Variants in TRIM41 observed in about 807,000 individuals in gnomAD.
TRIM41 encodes the protein E3 ubiquitin-protein ligase TRIM41.
Under a neutral mutation model 60.6 loss-of-function variants are expected in TRIM41, and 21 were observed. That is an observed-to-expected ratio of 0.35 (90% CI 0.25 to 0.50). TRIM41 has a LOEUF of 0.50. Among genes scored for constraint, TRIM41 ranks in the 20% least tolerant of loss-of-function variants. The pLI is 0.98. For missense variants in TRIM41, 846 were observed against 868.3 expected (o/e 0.97, Z 0.32); for synonymous variants, 407 against 344.9 (o/e 1.18, Z -2.00).
Position 181,235,736 on chromosome 5 carries a change from G to T in TRIM41, c.*961G>T. On this transcript the variant is annotated 3_prime_UTR_variant, in exon 6 of 6. Transcript: ENST00000315073. ...TGCAGCTTTCGCCCTCTGCTTTGATGGCTGAGGTGAACTCATGTTCTTTGG... is the reference window on the plus strand; with the variant it reads ...TGCAGCTTTCGCCCTCTGCTTTGATTGCTGAGGTGAACTCATGTTCTTTGG... 3.7e-6 allele frequency: 1 copy of T among 273,366 alleles called. No individual in the cohort carries two copies. The highest frequency in any genetic ancestry group is 7.1e-6 in the Non-Finnish European group (1 of 139,912). The allele number at this position is 273,366 out of a possible 1,614,324, so 16.9% of individuals were successfully genotyped here.
chr5:181,235,520 C>G lies in TRIM41; in HGVS notation c.*745C>G. 1 of 1,298,064 alleles carries G rather than the reference C, an allele frequency of 7.7e-7. No individual in the cohort carries two copies. Among genetic ancestry groups the G allele is most frequent in the Non-Finnish European group, 1.1e-6 (1 of 930,660 alleles). The allele number at this position is 1,298,064 out of a possible 1,614,324, so 80.4% of individuals were successfully genotyped here. On this transcript the variant is annotated 3_prime_UTR_variant, in exon 6 of 6. Coordinates refer to ENST00000315073, the MANE Select transcript of TRIM41 (RefSeq NM_033549.5). ...GAGCAAAGCTCATCCCACCCCACACCCCTCCCAGGTCTGCTCACTGCCAGG... is the reference window on the plus strand; with the variant it reads ...GAGCAAAGCTCATCCCACCCCACACGCCTCCCAGGTCTGCTCACTGCCAGG...
chr5:181,226,131 G>A (rs908755254), intron 1 of TRIM41: 2 of 150,744 alleles, frequency 1.3e-5, no homozygotes, highest in Non-Finnish European at 2.9e-5. Flanking sequence ...TTGAGACGGA[G>A]TCTCACTCTA....
intron 2 of TRIM41, chr5:181,231,086 C>G (rs1306985676): frequency 2.6e-6 from 1 of 377,446 alleles, no homozygotes; most frequent in Non-Finnish European, 5.1e-6. Context: ...GTGCCTGGCC[C>G]AAGGCTGCAG....
In TRIM41 at chr5:181,224,075, T is replaced by C; in HGVS notation, c.76T>C (p.Tyr26His). The C allele has an allele frequency of 6.2e-7, 1 of 1,614,250 alleles. No homozygotes were observed. The highest frequency in any genetic ancestry group is 8.5e-7 in the Non-Finnish European group (1 of 1,180,042). ...GGCGGTGTGCGCCATCTGCCTCGAT[T>C]ACTTCACGGACCCCGTGTCCATCGG... Reference protein sequence around the residue: ...EEAVCAICLDYFTDPVSIGCG... With the variant: ...EEAVCAICLDHFTDPVSIGCG... The change falls in exon 1 of 6, where the codon TAC becomes CAC. Residue 26 changes from tyrosine to histidine, a missense_variant. Transcript: ENST00000315073.
chr5:181,234,141 G>A lies in TRIM41; in HGVS notation c.1292-33G>A. 1 of 1,603,548 alleles carries A rather than the reference G, an allele frequency of 6.2e-7. No homozygotes were observed. The highest frequency in any genetic ancestry group is 8.5e-7 in the Non-Finnish European group (1 of 1,179,848). ...TGCTGACAGGGGAACAGCCGTTCCA[G>A]CCCTGGCGTATTTGTCCTCCCTCCC... On this transcript the variant is annotated intron_variant, in intron 5 of 5. Coordinates refer to ENST00000315073, the MANE Select transcript of TRIM41 (RefSeq NM_033549.5). The surrounding 1 kb of genome is among the most constrained non-coding windows in gnomAD (Gnocchi z 5.6).
chr5:181,230,004 G>A (rs1215738714), intron 1 of TRIM41: 7 of 152,346 alleles, frequency 4.6e-5, no homozygotes, highest in Admixed American at 4.6e-4. Flanking sequence ...GTGACCCATG[G>A]AAAGGTTTTA....
Position 181,232,850 on chromosome 5 carries a change from C to T in TRIM41, c.1101C>T (p.Ala367=), listed in dbSNP as rs980643993. 10 of 1,553,654 alleles carry T rather than the reference C, an allele frequency of 6.4e-6. No homozygotes were observed. The highest frequency in any genetic ancestry group is 1.4e-5 in the African/African-American group (1 of 73,470). ...AAQLSRLLAE[A]QERSQQGGLR... ...AGCTCAGCCGCCTGCTGGCAGAGGCCCAGGAGCGGAGCCAGCAGGGGGGTC... is the reference window on the plus strand; with the variant it reads ...AGCTCAGCCGCCTGCTGGCAGAGGCTCAGGAGCGGAGCCAGCAGGGGGGTC... Residue 367 remains alanine, a synonymous_variant, in exon 3 of 6, where the codon GCC becomes GCT. Coordinates refer to ENST00000315073, the MANE Select transcript of TRIM41 (RefSeq NM_033549.5).
In TRIM41 at chr5:181,233,596, A is replaced by G. The variant is rs954114012; in HGVS notation, c.1164-40A>G. ...TCAGCTTTTGCTTTTCCCTCTGGGA[A>G]TATCGTGGTCCCACCCCCTGCCCGG... On this transcript the variant is annotated intron_variant, in intron 4 of 5. Coordinates refer to ENST00000315073, the MANE Select transcript of TRIM41 (RefSeq NM_033549.5). The surrounding 1 kb of genome is among the most constrained non-coding windows in gnomAD (Gnocchi z 4.1). 3.1e-6 allele frequency: 5 copies of G among 1,611,960 alleles called. No individual in the cohort carries two copies. Among genetic ancestry groups the G allele is most frequent in the Non-Finnish European group, 8.5e-7 (1 of 1,178,498 alleles).
Position 181,234,270 on chromosome 5 carries a change from C to T in TRIM41, c.1388C>T (p.Ala463Val). Residue 463 changes from alanine (A) to valine (V), a missense_variant, in exon 6 of 6, where the codon GCT becomes GTT. Coordinates refer to ENST00000315073, the MANE Select transcript of TRIM41 (RefSeq NM_033549.5). This position sits in a 1 kb window ranked among gnomAD's most constrained non-coding sequence, Gnocchi z 5.6. The part of the protein sequence containing the change: ...VRLAERRQEV[A>V]DHPKRFSADC... Reference sequence around the variant, plus strand: ...CTGGCAGAGCGGCGGCAGGAGGTTGCTGACCATCCCAAGCGCTTCTCGGCC... The same window carrying T: ...CTGGCAGAGCGGCGGCAGGAGGTTGTTGACCATCCCAAGCGCTTCTCGGCC... The T allele has an allele frequency of 3.7e-6, 6 of 1,613,070 alleles. No homozygotes were observed. Among genetic ancestry groups the T allele is most frequent in the Non-Finnish European group, 5.1e-6 (6 of 1,179,918 alleles).
In TRIM41 at chr5:181,232,273, G is replaced by A. The variant is rs575090118; in HGVS notation, c.910-386G>A. The A allele has an allele frequency of 5.7e-5, 12 of 210,462 alleles. No homozygotes were observed. In the South Asian group the frequency reaches 6.2e-4, roughly 11 times the overall value. The allele number at this position is 210,462 out of a possible 1,614,324, so 13.0% of individuals were successfully genotyped here. A position where few individuals can be genotyped will look rare whatever the true frequency, so the allele number is the denominator to read the frequency against. ...TGGGGGAAAGGATGTTAACAGTTACGTCATTTAAACACAACGTTTCAATAT... is the reference window on the plus strand; with the variant it reads ...TGGGGGAAAGGATGTTAACAGTTACATCATTTAAACACAACGTTTCAATAT... On this transcript the variant is annotated intron_variant, in intron 2 of 5. Coordinates refer to ENST00000315073, the MANE Select transcript of TRIM41 (RefSeq NM_033549.5).
rs1357212235 is a variant in TRIM41 at position 181,232,859 on chromosome 5, G to A, written c.1110G>A (p.Arg370=). The A allele has an allele frequency of 6.5e-7, 1 of 1,547,784 alleles. No homozygotes were observed. The highest frequency in any genetic ancestry group is 8.7e-7 in the Non-Finnish European group (1 of 1,149,924). ...LSRLLAEAQE[R]SQQGGLRLLQ... ...GCCTGCTGGCAGAGGCCCAGGAGCG[G>A]AGCCAGCAGGGGGGTCTCCGGCTGC... The change falls in exon 3 of 6, where the codon CGG becomes CGA. Residue 370 remains arginine (R), a synonymous_variant. Coordinates refer to ENST00000315073, the MANE Select transcript of TRIM41 (RefSeq NM_033549.5).
chr5:181,224,652 G>A lies in TRIM41; in HGVS notation c.653G>A (p.Gly218Glu), dbSNP rs1305885071. 2 of 1,614,240 alleles carry A rather than the reference G, an allele frequency of 1.2e-6. No individual in the cohort carries two copies. Among genetic ancestry groups the A allele is most frequent in the South Asian group, 1.1e-5 (1 of 91,086 alleles). ...IRQMHPTPGR[G>E]SRVTDQGICP... ...CAGATGCACCCAACCCCTGGTCGAG[G>A]GAGCCGCGTGACCGATCAGGGCATC... Residue 218 changes from glycine (G) to glutamate (E), a missense_variant, in exon 1 of 6, where the codon GGG (glycine) becomes GAG (glutamate). Transcript: ENST00000315073.
At position 181,234,278 on chromosome 5, in the gene TRIM41, C is replaced by G; in HGVS notation, c.1396C>G (p.Pro466Ala). Reference protein sequence around the residue: ...AERRQEVADHPKRFSADCCVL... With the variant: ...AERRQEVADHAKRFSADCCVL... ...GCGGCGGCAGGAGGTTGCTGACCAT[C>G]CCAAGCGCTTCTCGGCCGACTGCTG... Residue 466 changes from proline to alanine, a missense_variant, in exon 6 of 6, where the codon CCC (proline) becomes GCC (alanine). Pro to Ala is a conservative substitution (Grantham distance 27). Coordinates refer to ENST00000315073, the MANE Select transcript of TRIM41 (RefSeq NM_033549.5). The surrounding 1 kb of genome is among the most constrained non-coding windows in gnomAD (Gnocchi z 5.6). 1.2e-6 allele frequency: 2 copies of G among 1,612,978 alleles called. No homozygotes were observed. Among genetic ancestry groups the G allele is most frequent in the Non-Finnish European group, 1.7e-6 (2 of 1,179,886 alleles).
Position 181,233,984 on chromosome 5 carries a change from G to T in TRIM41, c.1292-190G>T. On this transcript the variant is annotated intron_variant, in intron 5 of 5. Coordinates refer to ENST00000315073, the MANE Select transcript of TRIM41 (RefSeq NM_033549.5). This position sits in a 1 kb window ranked among gnomAD's most constrained non-coding sequence, Gnocchi z 4.1. ...GGAGTGGCAGGAAGAGCCAGGCTGG[G>T]GGAAGACCTGTCAGGTATCCTAGGA... 1 of 1,186,666 alleles carries T rather than the reference G, an allele frequency of 8.4e-7. No individual in the cohort carries two copies. The highest frequency in any genetic ancestry group is 1.2e-6 in the Non-Finnish European group (1 of 842,312). 73.5% of individuals were successfully genotyped at this position (1,186,666 alleles called of 1,614,324 possible).
At position 181,234,149 on chromosome 5, in the gene TRIM41, G is replaced by A. The variant is rs112823808; in HGVS notation, c.1292-25G>A. Reference sequence around the variant, plus strand: ...GGGGAACAGCCGTTCCAGCCCTGGCGTATTTGTCCTCCCTCCCTCCCAAGT... The same window carrying A: ...GGGGAACAGCCGTTCCAGCCCTGGCATATTTGTCCTCCCTCCCTCCCAAGT... On this transcript the variant is annotated intron_variant, in intron 5 of 5. Transcript: ENST00000315073. This position sits in a 1 kb window ranked among gnomAD's most constrained non-coding sequence, Gnocchi z 5.6. 4 of 1,604,894 alleles carry A rather than the reference G, an allele frequency of 2.5e-6. No individual in the cohort carries two copies. Among genetic ancestry groups the A allele is most frequent in the South Asian group, 2.2e-5 (2 of 91,084 alleles).
chr5:181,230,641 G>A, intron 1 of TRIM41, 103 bp from the exon 2 acceptor site: 1 of 832,512 alleles, frequency 1.2e-6, no homozygotes. Flanking sequence ...TCGGGGGTAG[G>A]GATCAGGCTT....
In TRIM41 at chr5:181,233,872, A is replaced by G. The variant is rs2113187584; in HGVS notation, c.1291+109A>G. The G allele has an allele frequency of 6.6e-7, 1 of 1,519,364 alleles. No homozygotes were observed. The highest frequency in any genetic ancestry group is 1.2e-5 in the South Asian group (1 of 82,404). The allele number at this position is 1,519,364 out of a possible 1,614,324, so 94.1% of individuals were successfully genotyped here. ...GAAACTGTGGGGCTTGAGATGGAGCAGGATCCAGGCAGCCACTCTGAGGTT... is the reference window on the plus strand; with the variant it reads ...GAAACTGTGGGGCTTGAGATGGAGCGGGATCCAGGCAGCCACTCTGAGGTT... On this transcript the variant is annotated intron_variant, in intron 5 of 5. Coordinates refer to ENST00000315073, the MANE Select transcript of TRIM41 (RefSeq NM_033549.5). This position sits in a 1 kb window ranked among gnomAD's most constrained non-coding sequence, Gnocchi z 4.1.
intron 1 of TRIM41, chr5:181,225,477 A>G (rs1418772890): frequency 6.4e-6 from 1 of 156,728 alleles, no homozygotes; most frequent in East Asian, 1.9e-4. Context: ...TTATATGTAT[A>G]CCAGGCACTG....
chr5:181,230,323 C>T (rs1327135102), intron 1 of TRIM41: 1 of 160,154 alleles, frequency 6.2e-6, no homozygotes, highest in East Asian at 1.8e-4. Flanking sequence ...GAGGTGAAAC[C>T]ACGTCTCTAC....
Sources: allele counts gnomAD v4.1 joint callset, GRCh38; gene constraint gnomAD v4.1.1; non-coding constraint Gnocchi (gnomAD v3.1); transcripts MANE v1.5; gene names NCBI Gene and HGNC (gene_info 2026-07-23, HGNC 2026-07-21).